CUX2: variants seen among roughly 807,000 people sequenced by gnomAD.
CUX2 encodes homeobox protein cut-like 2.
CUX2 carries 40 observed loss-of-function variants against 144.8 expected under a neutral mutation model. The ratio of observed to expected loss-of-function variants is 0.28; its 90% CI spans 0.21 to 0.36. The LOEUF is 0.36. CUX2 is among the 10% of genes least tolerant of loss of function. CUX2 has a pLI of 1.00. For synonymous variants in CUX2, 827 were observed against 875.6 expected, an observed-to-expected ratio of 0.94 and a Z score of 0.98; for missense variants, 1,615 against 1,994.0, an observed-to-expected ratio of 0.81 and a Z score of 3.62.
At chr12:111,104,610 T>C (rs1873475991) in intron 1 of CUX2, among the ~76,000 whole-genome samples, 1 of 152,204 alleles carries the variant, frequency 6.6e-6, no homozygotes, top group Admixed American at 6.5e-5. Context: ...TCCTCATCTA[T>C]AAAATGAGAT....
At chr12:111,062,839 G>A (rs1304182886) in intron 1 of CUX2, among the ~76,000 whole-genome samples, 1 of 152,230 alleles carries the variant, frequency 6.6e-6, no homozygotes, top group Non-Finnish European at 1.5e-5. Flanking sequence ...GGAGCGAGAT[G>A]TGCGAAGGCC....
intron 1 of CUX2, among the ~76,000 whole-genome samples, chr12:111,073,371 G>A (rs1475951587): frequency 1.3e-5 from 2 of 152,092 alleles, no homozygotes; most frequent in East Asian, 3.8e-4. Context: ...TCTCTTTTGT[G>A]ACTACACCAC....
In CUX2 at chr12:111,178,352, G is replaced by A. The variant is rs1202381190; in HGVS notation, c.64-35848G>A. Reference sequence around the variant, plus strand: ...GTATGAGAGACCCTAGTACATATCTGTATTTTGGGCAGACAGCCCTGTGGT... The same window carrying A: ...GTATGAGAGACCCTAGTACATATCTATATTTTGGGCAGACAGCCCTGTGGT... On this transcript the variant is annotated intron_variant, in intron 1 of 21. Transcript: ENST00000261726. The surrounding 1 kb of genome is among the most constrained non-coding windows in gnomAD (Gnocchi z 5.7). 1.3e-5 allele frequency among the ~76,000 whole-genome samples: 2 copies of A among 152,206 alleles called. No individual in the cohort carries two copies. The highest frequency in any genetic ancestry group is 2.9e-5 in the Non-Finnish European group (2 of 68,032).
intron 1 of CUX2, among the ~76,000 whole-genome samples, chr12:111,052,259 G>A (rs760067041): frequency 6.6e-6 from 1 of 152,116 alleles, no homozygotes; most frequent in East Asian, 1.9e-4. Context: ...ATGAGGCTGT[G>A]CACCCCAACT....
intron 1 of CUX2, among the ~76,000 whole-genome samples, chr12:111,090,057 G>A (rs1872468183): frequency 6.6e-6 from 1 of 152,184 alleles, no homozygotes; most frequent in African/African-American, 2.4e-5. Flanking sequence ...GTGGAGGCAG[G>A]GAGGCCAGGG....
rs934545834 is a variant in CUX2, at chr12:111,214,678, C to T, written c.174+368C>T. Among the ~76,000 whole-genome samples the T allele has an allele frequency of 3.9e-5, 6 of 152,148 alleles. 1 individual carries two copies. Among genetic ancestry groups the T allele is most frequent in the Admixed American group, 6.5e-5 (1 of 15,272 alleles). On this transcript the variant is annotated intron_variant, in intron 2 of 21. Transcript: ENST00000261726. ...TTGGCGTCTGGAAGAAGACAGCCGTCGACTCTCTAACACCCTCTCGGGGCC... is the reference window on the plus strand; with the variant it reads ...TTGGCGTCTGGAAGAAGACAGCCGTTGACTCTCTAACACCCTCTCGGGGCC...
At chr12:111,308,183 C>A (rs1408079002) in intron 12 of CUX2, 102 bp from the exon 13 acceptor site, 16 of 1,230,936 alleles carry the variant, frequency 1.3e-5, no homozygotes, top group Non-Finnish European at 1.7e-5. Context: ...GGGAATGGAG[C>A]AGTCATTGTC....
chr12:111,167,677 T>G (rs920098266), intron 1 of CUX2, among the ~76,000 whole-genome samples: 1 of 141,090 alleles, frequency 7.1e-6, no homozygotes, highest in Non-Finnish European at 1.5e-5. Context: ...TGGGTTTGTT[T>G]GTTTGTTTGT....
chr12:111,179,075 A>G (rs1879013387), intron 1 of CUX2, among the ~76,000 whole-genome samples: 1 of 152,198 alleles, frequency 6.6e-6, no homozygotes, highest in Non-Finnish European at 1.5e-5. Context: ...GCTACCGCAC[A>G]GAGATCAGAC....
Position 111,287,596 on chromosome 12 carries a change from G to C in CUX2, c.302-3822G>C, listed in dbSNP as rs1273065203. On this transcript the variant is annotated intron_variant, in intron 4 of 21. Transcript: ENST00000261726. This position sits in a 1 kb window ranked among gnomAD's most constrained non-coding sequence, Gnocchi z 4.2. ...CTGGCCTGCCTAATGCGCTTGCTGG[G>C]TTAATTATGTCAATGTATAATTACA... Among the ~76,000 whole-genome samples, 1 of 152,226 alleles carries C rather than the reference G, an allele frequency of 6.6e-6. No individual in the cohort carries two copies. The highest frequency in any genetic ancestry group is 1.5e-5 in the Non-Finnish European group (1 of 68,044).
chr12:111,144,936 TCCCA>T (rs1876566119), intron 1 of CUX2, among the ~76,000 whole-genome samples: 1 of 152,108 alleles, frequency 6.6e-6, no homozygotes, highest in Non-Finnish European at 1.5e-5. Context: ...CTTTTTCCTG[TCCCA>T]CCGTCTTCCA....
intron 1 of CUX2, among the ~76,000 whole-genome samples, chr12:111,054,365 T>C (rs959983102): frequency 5.9e-5 from 9 of 152,194 alleles, no homozygotes; most frequent in African/African-American, 1.9e-4. Flanking sequence ...AACCTCACCC[T>C]AGGCATTAGC....
In CUX2 at chr12:111,078,663, C is replaced by T. The variant is rs1255968701; in HGVS notation, c.63+44423C>T. On this transcript the variant is annotated intron_variant, in intron 1 of 21. Transcript: ENST00000261726. ...CCAGCCTGGGCGACCGAGAAAGATC[C>T]TGTCTCTAAAAATAAAAAGTCAGCG... is the stretch of plus-strand genomic sequence containing the variant. Among the ~76,000 whole-genome samples, 4 of 152,208 alleles carry T rather than the reference C, an allele frequency of 2.6e-5. No homozygotes were observed. The South Asian group carries it at 6.2e-4, about 24-fold the overall frequency.
At chr12:111,132,557 C>CTTTTTTTTTTTTTTTTT (rs1182564665) in intron 1 of CUX2, among the ~76,000 whole-genome samples, 1 of 97,170 alleles carries the variant, frequency 1.0e-5, no homozygotes, top group African/African-American at 4.9e-5. Flanking sequence ...GCTCTGTTTC[C>CTTTTTTTTTTTTTTTTT]TTTTTTTTTT....
intron 1 of CUX2, chr12:111,099,637 G>A (rs557811127): frequency 8.8e-5 from 40 of 456,740 alleles, no homozygotes; most frequent in African/African-American, 7.8e-4. Context: ...CCTGGCTGGG[G>A]TGAGATGGAG....
At chr12:111,070,001 A>T (rs1871190896) in intron 1 of CUX2, among the ~76,000 whole-genome samples, 2 of 152,080 alleles carry the variant, frequency 1.3e-5, no homozygotes, top group Admixed American at 1.3e-4. Flanking sequence ...TGTGATGAGG[A>T]TGGGAGGGTC....
intron 4 of CUX2, among the ~76,000 whole-genome samples, chr12:111,290,595 T>G (rs1885621178): frequency 6.6e-6 from 1 of 151,988 alleles, no homozygotes; most frequent in Non-Finnish European, 1.5e-5. Flanking sequence ...ACCCAGCTAA[T>G]TTTTATATTT....
intron 1 of CUX2, among the ~76,000 whole-genome samples, chr12:111,097,027 C>CA (rs1276377108): frequency 4.6e-5 from 7 of 152,072 alleles, no homozygotes; most frequent in African/African-American, 1.7e-4. Flanking sequence ...ATCTTGGCTT[C>CA]AGAAGGTGAG....
intron 4 of CUX2, among the ~76,000 whole-genome samples, chr12:111,268,410 C>T (rs1332442468): frequency 6.6e-6 from 1 of 152,196 alleles, no homozygotes; most frequent in Non-Finnish European, 1.5e-5. Context: ...TGAATAAAGT[C>T]ACATTCACAG....
Sources: allele counts gnomAD v4.1 joint callset (sites outside exome capture counted in the v4.1 genomes callset), GRCh38; gene constraint gnomAD v4.1.1; non-coding constraint Gnocchi (gnomAD v3.1); transcripts MANE v1.5; gene names NCBI Gene and HGNC (gene_info 2026-07-23, HGNC 2026-07-21).